MICU1: variants seen among roughly 807,000 people sequenced by gnomAD.
MICU1 encodes the protein calcium uptake protein 1, mitochondrial.
Under a neutral mutation model 56.8 loss-of-function variants are expected in MICU1, and 45 were observed. The ratio of observed to expected loss-of-function variants is 0.79; its 90% confidence interval spans 0.62 to 1.02. The LOEUF (loss-of-function observed/expected upper bound fraction) is 1.02, where lower values mean the gene tolerates loss of function less well. MICU1 is among the 50% of genes least tolerant of loss of function. The pLI is 0.00. For synonymous variants in MICU1, 186 were observed against 195.1 expected (o/e 0.95, Z 0.39); for missense variants, 504 against 587.1 (o/e 0.86, Z 1.46).
Position 72,532,412 on chromosome 10 carries a change from T to C in MICU1, c.537+1334A>G, listed in dbSNP as rs139395458. ...CACCAAGGAATATGTGATTGACTAC[T>C]GTAGTTAATTTTTTGCAAGTCATTA... On this transcript the variant is annotated intron_variant, in intron 5 of 11. Coordinates refer to ENST00000361114, the MANE Select transcript of MICU1 (RefSeq NM_001195518.2). Among the ~76,000 whole-genome samples the C allele has an allele frequency of 2.9e-3, 435 of 152,342 alleles. 3 individuals carry two copies. The highest frequency in any genetic ancestry group is 9.9e-3 in the African/African-American group (410 of 41,582).
At chr10:72,493,997 T>C (rs1053588242) in intron 6 of MICU1, among the ~76,000 whole-genome samples, 4 of 152,130 alleles carry the variant, frequency 2.6e-5, no homozygotes, top group African/African-American at 4.8e-5. Context: ...GGGAACACTA[T>C]GAATTTGGTA....
chr10:72,488,652 G>C (rs1382441486), intron 6 of MICU1, among the ~76,000 whole-genome samples: 1 of 151,998 alleles, frequency 6.6e-6, no homozygotes, highest in East Asian at 1.9e-4. Context: ...TTTCCCCACT[G>C]CTCCAGTCAA....
chr10:72,587,601 C>T (rs1422722666), intron 1 of MICU1, among the ~76,000 whole-genome samples: 1 of 152,032 alleles, frequency 6.6e-6, no homozygotes, highest in South Asian at 2.1e-4. Flanking sequence ...GAAACCCTGT[C>T]TCTACTAAAT....
At chr10:72,563,961 A>C (rs1341131778) in intron 2 of MICU1, among the ~76,000 whole-genome samples, 4 of 152,218 alleles carry the variant, frequency 2.6e-5, no homozygotes, top group Admixed American at 2.0e-4. Flanking sequence ...AATAAAAAGG[A>C]ACATAAATAA....
intron 8 of MICU1, among the ~76,000 whole-genome samples, chr10:72,444,729 G>A (rs557967947): frequency 1.3e-5 from 2 of 152,276 alleles, no homozygotes; most frequent in African/African-American, 4.8e-5. Context: ...GATTACAGGC[G>A]TGAGCCACCA....
chr10:72,590,427 G>A (rs961496583), intron 1 of MICU1, among the ~76,000 whole-genome samples: 1 of 152,144 alleles, frequency 6.6e-6, no homozygotes, highest in African/African-American at 2.4e-5. Context: ...AAAAATGAAG[G>A]TAGAAATAGA....
chr10:72,393,327 G>A (rs1863140972), intron 10 of MICU1, among the ~76,000 whole-genome samples: 1 of 152,156 alleles, frequency 6.6e-6, no homozygotes, highest in South Asian at 2.1e-4. Flanking sequence ...AGGATAATAT[G>A]ATACAGGATG....
intron 8 of MICU1, among the ~76,000 whole-genome samples, chr10:72,426,595 C>T (rs1299538375): frequency 6.6e-6 from 1 of 151,492 alleles, no homozygotes; most frequent in African/African-American, 2.4e-5. Flanking sequence ...TGGGGGTACC[C>T]TATGTTGCCT....
At chr10:72,581,959 C>T (rs746740867) in intron 1 of MICU1, among the ~76,000 whole-genome samples, 2 of 152,114 alleles carry the variant, frequency 1.3e-5, no homozygotes, top group Non-Finnish European at 2.9e-5. Context: ...ATGGAGTTTT[C>T]ACTCTTGTTA....
chr10:72,438,786 A>T (rs1324257758), intron 8 of MICU1, among the ~76,000 whole-genome samples: 1 of 152,184 alleles, frequency 6.6e-6, no homozygotes, highest in Non-Finnish European at 1.5e-5. Context: ...ACACAAATAA[A>T]CTAGAAAATC....
intron 9 of MICU1, among the ~76,000 whole-genome samples, chr10:72,415,071 A>C (rs1231586895): frequency 1.4e-5 from 2 of 145,788 alleles, no homozygotes; most frequent in Non-Finnish European, 3.0e-5. Context: ...GCTGGAGTGC[A>C]ATGGAGCAAT....
chr10:72,502,523 G>A (rs1867112478), intron 6 of MICU1, among the ~76,000 whole-genome samples: 1 of 152,154 alleles, frequency 6.6e-6, no homozygotes, highest in African/African-American at 2.4e-5. Context: ...TCTGGCTGAT[G>A]CCCTTTGCAC....
At chr10:72,527,062 T>C (rs1056398707) in intron 5 of MICU1, among the ~76,000 whole-genome samples, 1 of 152,172 alleles carries the variant, frequency 6.6e-6, no homozygotes, top group Admixed American at 6.5e-5. Flanking sequence ...TTAAAATGTA[T>C]ATATCCCATA....
intron 11 of MICU1, among the ~76,000 whole-genome samples, chr10:72,372,699 G>GGGTGTGAT (rs1164037979): frequency 6.6e-6 from 1 of 151,764 alleles, no homozygotes; most frequent in East Asian, 1.9e-4. Flanking sequence ...AAAATTAACC[G>GGGTGTGAT]GGTGTGATGG....
intron 4 of MICU1, among the ~76,000 whole-genome samples, chr10:72,542,458 T>C (rs1313828396): frequency 5.9e-5 from 9 of 152,198 alleles, no homozygotes; most frequent in Admixed American, 5.9e-4. Context: ...AGCCTGCCCC[T>C]GTCTACCTGT....
At chr10:72,536,972 G>A (rs1839653735) in intron 4 of MICU1, among the ~76,000 whole-genome samples, 1 of 152,088 alleles carries the variant, frequency 6.6e-6, no homozygotes, top group South Asian at 2.1e-4. Flanking sequence ...AAATTTTAAA[G>A]GTGGTTACTT....
chr10:72,410,561 G>A (rs1863776150), intron 9 of MICU1, among the ~76,000 whole-genome samples: 2 of 152,216 alleles, frequency 1.3e-5, no homozygotes, highest in South Asian at 4.1e-4. Context: ...AGAGGTTGCA[G>A]TGAGCTGAGA....
intron 8 of MICU1, among the ~76,000 whole-genome samples, chr10:72,457,448 A>G (rs1399177543): frequency 1.3e-5 from 2 of 150,126 alleles, no homozygotes; most frequent in East Asian, 2.0e-4. Flanking sequence ...CTCGAACTCT[A>G]TAGACTCAAG....
At chr10:72,450,662 C>T (rs1478444300) in intron 8 of MICU1, among the ~76,000 whole-genome samples, 1 of 151,978 alleles carries the variant, frequency 6.6e-6, no homozygotes, top group East Asian at 1.9e-4. Flanking sequence ...CTTTCTCTTG[C>T]TGGTGCTAGC....
Sources: gnomAD v4.1 joint callset for allele counts (sites outside exome capture counted in the v4.1 genomes callset) on GRCh38, gnomAD v4.1.1 for gene constraint, MANE v1.5 for transcripts, NCBI Gene and HGNC (gene_info 2026-07-23, HGNC 2026-07-21) for gene names.